Variants in SMAP1 observed in about 807,000 individuals in gnomAD.
SMAP1 encodes small ArfGAP 1.
Under a neutral mutation model 58.5 loss-of-function variants are expected in SMAP1, and 24 were observed. The observed-to-expected ratio is 0.41, with a 90% confidence interval of 0.30 to 0.58. The LOEUF (loss-of-function observed/expected upper bound fraction) is 0.58. Among genes scored for constraint, SMAP1 ranks in the 20% least tolerant of loss-of-function variants. SMAP1 has a pLI of 0.29. For missense variants in SMAP1, 563 were observed against 566.3 expected, an observed-to-expected ratio of 0.99 and a Z score of 0.06; for synonymous variants, 216 against 196.6, an observed-to-expected ratio of 1.10 and a Z score of -0.82.
chr6:70,756,635 T>C (rs1766503127), intron 3 of SMAP1, among the ~76,000 whole-genome samples: 1 of 152,058 alleles, frequency 6.6e-6, no homozygotes, highest in Non-Finnish European at 1.5e-5. Context: ...TAGAGTAGTT[T>C]AGACCTCATT....
chr6:70,827,892 G>T (rs1770201418), intron 6 of SMAP1, among the ~76,000 whole-genome samples: 1 of 152,058 alleles, frequency 6.6e-6, no homozygotes. Context: ...ATTTAAGAAA[G>T]AATATTAAAT....
chr6:70,710,653 G>C (rs1038863746), intron 1 of SMAP1, among the ~76,000 whole-genome samples: 1 of 152,036 alleles, frequency 6.6e-6, no homozygotes, highest in African/African-American at 2.4e-5. Flanking sequence ...TGTAAACACT[G>C]TACACTTAGG....
intron 1 of SMAP1, among the ~76,000 whole-genome samples, chr6:70,680,772 G>A (rs1332703920): frequency 7.6e-6 from 1 of 131,948 alleles, no homozygotes; most frequent in Non-Finnish European, 1.5e-5. Flanking sequence ...AGGCTGGAGT[G>A]CAGTGGTATG....
chr6:70,856,777 TA>T lies in SMAP1; in HGVS notation c.790-80del, dbSNP rs796279725. ...ATTGTTTGATTCCTATCTAATTTTA[TA>T]ACTTTATTTGGATTTTAAGTAATGG... On this transcript the variant is annotated intron_variant, in intron 8 of 10. Coordinates refer to ENST00000370455, the MANE Select transcript of SMAP1 (RefSeq NM_001044305.3). 1.3e-5 allele frequency: 18 copies of T among 1,375,564 alleles called. No individual in the cohort carries two copies. In the South Asian group the frequency reaches 2.0e-4, roughly 15 times the overall value. 85.2% of individuals were successfully genotyped at this position (1,375,564 alleles called of 1,614,324 possible).
At chr6:70,675,817 G>A (rs1295056505) in intron 1 of SMAP1, among the ~76,000 whole-genome samples, 3 of 152,134 alleles carry the variant, frequency 2.0e-5, no homozygotes, top group Admixed American at 2.0e-4. Context: ...GTGGTTGGCT[G>A]ACATCTGAGG....
At chr6:70,729,524 G>T (rs1328886789) in intron 1 of SMAP1, among the ~76,000 whole-genome samples, 4 of 145,664 alleles carry the variant, frequency 2.7e-5, no homozygotes, top group Non-Finnish European at 6.0e-5. Flanking sequence ...TTGAACTTTA[G>T]TCCTATATTC....
At chr6:70,787,800 A>G (rs1455583199) in intron 4 of SMAP1, among the ~76,000 whole-genome samples, 3 of 151,926 alleles carry the variant, frequency 2.0e-5, no homozygotes, top group African/African-American at 4.8e-5. Flanking sequence ...TCAGGAAACA[A>G]CAGGTGCTGG....
rs374231924 is a variant in SMAP1, at chr6:70,744,767, G to C, written c.253-10213G>C. Among the ~76,000 whole-genome samples, 15 of 152,202 alleles carry C rather than the reference G, an allele frequency of 9.9e-5. No individual in the cohort carries two copies. In the East Asian group the frequency reaches 2.7e-3, roughly 27 times the overall value. On this transcript the variant is annotated intron_variant, in intron 2 of 10. Transcript: ENST00000370455. ...TGCCACACTGTCTTCCACAATGGTT[G>C]AACTAATTTACAGTCCCACCAACAG... is the stretch of plus-strand genomic sequence containing the variant.
intron 6 of SMAP1, among the ~76,000 whole-genome samples, chr6:70,821,478 CT>C (rs1050174116): frequency 6.6e-6 from 1 of 151,412 alleles, no homozygotes; most frequent in Non-Finnish European, 1.5e-5. Flanking sequence ...AGAAACTAAT[CT>C]TTTTCTTATT....
chr6:70,747,805 AAAG>A, intron 2 of SMAP1, among the ~76,000 whole-genome samples: 1 of 152,056 alleles, frequency 6.6e-6, no homozygotes, highest in Non-Finnish European at 1.5e-5. Context: ...TGCTTACAAA[AAAG>A]AATACATTCT....
At chr6:70,802,172 G>A (rs1768889250) in intron 6 of SMAP1, among the ~76,000 whole-genome samples, 1 of 152,262 alleles carries the variant, frequency 6.6e-6, no homozygotes, top group South Asian at 2.1e-4. Flanking sequence ...CCATTTGTTT[G>A]TGTCCTCTTT....
At chr6:70,680,874 A>G (rs1332064870) in intron 1 of SMAP1, among the ~76,000 whole-genome samples, 1 of 151,486 alleles carries the variant, frequency 6.6e-6, no homozygotes, top group African/African-American at 2.4e-5. Context: ...ACGTGCCACC[A>G]CACCCAGCTA....
intron 1 of SMAP1, among the ~76,000 whole-genome samples, chr6:70,721,241 T>C (rs1768512818): frequency 6.6e-6 from 1 of 152,216 alleles, no homozygotes; most frequent in South Asian, 2.1e-4. Flanking sequence ...ACCTCTTGAA[T>C]GCTTTGCTGC....
At chr6:70,837,965 C>G in intron 7 of SMAP1, 1 of 1,043,890 alleles carries the variant, frequency 9.6e-7, no homozygotes, top group Non-Finnish European at 1.2e-6. Context: ...TACAAATATA[C>G]TCCCTGGAGG....
intron 1 of SMAP1, among the ~76,000 whole-genome samples, chr6:70,672,078 G>T (rs548690874): frequency 6.6e-6 from 1 of 152,302 alleles, no homozygotes; most frequent in African/African-American, 2.4e-5. Context: ...CGCAGATCTT[G>T]ACTTGAAGAC....
intron 1 of SMAP1, among the ~76,000 whole-genome samples, chr6:70,705,542 C>T (rs1053807334): frequency 2.0e-5 from 3 of 152,166 alleles, no homozygotes; most frequent in Non-Finnish European, 2.9e-5. Flanking sequence ...TGAGCCGCCA[C>T]GCTGGGGCCA....
At chr6:70,777,527 GGTT>G (rs1319317591) in intron 4 of SMAP1, among the ~76,000 whole-genome samples, 3 of 151,892 alleles carry the variant, frequency 2.0e-5, no homozygotes, top group African/African-American at 4.8e-5. Context: ...CAAATGAGTA[GGTT>G]GTTAATATTT....
chr6:70,777,112 C>T (rs1190301080), intron 4 of SMAP1, among the ~76,000 whole-genome samples: 1 of 152,180 alleles, frequency 6.6e-6, no homozygotes, highest in East Asian at 1.9e-4. Flanking sequence ...CCAACAGTAT[C>T]TAAGAGTTTT....
chr6:70,758,179 AC>A (rs1328511711), intron 3 of SMAP1, among the ~76,000 whole-genome samples: 1 of 151,588 alleles, frequency 6.6e-6, no homozygotes, highest in Admixed American at 6.6e-5. Flanking sequence ...ACCATGGAAT[AC>A]TATGCAGCCA....
Sources: allele counts gnomAD v4.1 joint callset (sites outside exome capture counted in the v4.1 genomes callset), GRCh38; gene constraint gnomAD v4.1.1; transcripts MANE v1.5; gene names NCBI Gene and HGNC (gene_info 2026-07-23, HGNC 2026-07-21).